The following RFX6 variants were observed in gnomAD, a reference collection of about 807,000 sequenced individuals.
RFX6 encodes the protein regulatory factor X6.
A neutral mutation model predicts 110.8 loss-of-function variants in RFX6; 50 were observed. The ratio of observed to expected loss-of-function variants is 0.45; its 90% CI spans 0.36 to 0.57. RFX6 has a LOEUF of 0.57. Ranked by LOEUF, RFX6 falls within the 20% of genes least tolerant of loss-of-function variation. The pLI is 0.00. For missense variants in RFX6, 990 were observed against 1,127.0 expected, an observed-to-expected ratio of 0.88 and a Z score of 1.74; for synonymous variants, 383 against 411.2, an observed-to-expected ratio of 0.93 and a Z score of 0.83.
At chr6:116,913,274 C>A (rs1350788272) in intron 7 of RFX6, among the ~76,000 whole-genome samples, 1 of 152,126 alleles carries the variant, frequency 6.6e-6, no homozygotes, top group African/African-American at 2.4e-5. Context: ...GCTGGCCAGG[C>A]TTGTCTCGAA....
intron 4 of RFX6, among the ~76,000 whole-genome samples, chr6:116,891,924 T>A (rs1403671019): frequency 1.3e-5 from 2 of 152,160 alleles, no homozygotes; most frequent in African/African-American, 2.4e-5. Context: ...GTTCTTTTTT[T>A]AATCTACCAT....
intron 16 of RFX6, among the ~76,000 whole-genome samples, chr6:116,926,610 C>A (rs1231975354): frequency 6.6e-6 from 1 of 152,208 alleles, no homozygotes; most frequent in East Asian, 1.9e-4. Flanking sequence ...GAGGTGTTTG[C>A]ATGACATTTT....
intron 2 of RFX6, among the ~76,000 whole-genome samples, chr6:116,878,412 G>A (rs563287487): frequency 1.0e-3 from 158 of 152,234 alleles, no homozygotes; most frequent in African/African-American, 3.6e-3. Context: ...GATGAACTGT[G>A]TTTGAGGTAG....
chr6:116,877,792 T>G lies in RFX6; in HGVS notation c.224-4T>G. 1 of 1,603,428 alleles carries G rather than the reference T, an allele frequency of 6.2e-7. No homozygotes were observed. The highest frequency in any genetic ancestry group is 8.5e-7 in the Non-Finnish European group (1 of 1,173,420). On this transcript the variant is annotated splice_region_variant and splice_polypyrimidine_tract_variant and intron_variant, in intron 1 of 18. Coordinates refer to ENST00000332958, the MANE Select transcript of RFX6 (RefSeq NM_173560.4). Reference sequence around the variant, plus strand: ...TCTTTATCATCCCTTCAACTGGCAATCAGAAATGCACTTAAACAATGGTAA... The same window carrying G: ...TCTTTATCATCCCTTCAACTGGCAAGCAGAAATGCACTTAAACAATGGTAA...
chr6:116,893,998 A>G lies in RFX6; in HGVS notation c.578A>G (p.Tyr193Cys). 23 of 1,594,000 alleles carry G rather than the reference A, an allele frequency of 1.4e-5. No homozygotes were observed. Among genetic ancestry groups the G allele is most frequent in the Non-Finnish European group, 2.0e-5 (23 of 1,161,762 alleles). The change falls in exon 5 of 19, where the codon TAT becomes TGT. Residue 193 changes from tyrosine (Y) to cysteine (C), a missense_variant. Tyr to Cys is a radical substitution (Grantham distance 194). Around this residue, in one of 5 missense-constraint regions of RFX6, gnomAD observed 243 missense variants for 353.1 expected, o/e 0.69. Coordinates refer to ENST00000332958, the MANE Select transcript of RFX6 (RefSeq NM_173560.4). Reference protein sequence around the residue: ...GTRGHSKYHYYGIGIKESSAY... With the variant: ...GTRGHSKYHYCGIGIKESSAY... ...TGTCTTTGCTCTAGGTATCATTACT[A>G]TGGGATTGGCATCAAAGAGAGCAGT...
chr6:116,922,027 T>A lies in RFX6; in HGVS notation c.1328-15T>A. 1 of 1,144,952 alleles carries A rather than the reference T, an allele frequency of 8.7e-7. No individual in the cohort carries two copies. 70.9% of individuals were successfully genotyped at this position (1,144,952 alleles called of 1,614,324 possible). On this transcript the variant is annotated splice_polypyrimidine_tract_variant and intron_variant, in intron 12 of 18. Coordinates refer to ENST00000332958, the MANE Select transcript of RFX6 (RefSeq NM_173560.4). ...CTGTTTTCTTTTCTTTCTTTTTTTT[T>A]TTTTTCCTGGGTAGATGACTCTATC...
intron 11 of RFX6, among the ~76,000 whole-genome samples, chr6:116,919,565 G>C (rs200892157): frequency 1.6e-5 from 1 of 64,070 alleles, no homozygotes; most frequent in Non-Finnish European, 4.5e-5. Flanking sequence ...AAGATGATAA[G>C]AAGCTGGATG....
rs2114705955 is a variant in RFX6 at position 116,928,831 on chromosome 6, T to A, written c.2471T>A (p.Val824Asp). Reference protein sequence around the residue: ...LGSMVNQHVSVISSIRSLPPY... With the variant: ...LGSMVNQHVSDISSIRSLPPY... ...TCAATGGTGAATCAGCACGTTTCTG[T>A]CATCAGCAGCATTCGTTCACTGCCC... is the stretch of plus-strand genomic sequence containing the variant. Residue 824 changes from valine to aspartate, a missense_variant, in exon 18 of 19, where the codon GTC becomes GAC. By Grantham distance (152) the Val-to-Asp change is radical. Coordinates refer to ENST00000332958, the MANE Select transcript of RFX6 (RefSeq NM_173560.4). The A allele has an allele frequency of 5.0e-6, 8 of 1,614,052 alleles. No individual in the cohort carries two copies. Among genetic ancestry groups the A allele is most frequent in the Non-Finnish European group, 6.8e-6 (8 of 1,179,920 alleles).
chr6:116,877,552 A>G, intron 1 of RFX6, 54 bp downstream of exon 1: 1 of 1,321,816 alleles, frequency 7.6e-7, no homozygotes, highest in Non-Finnish European at 1.0e-6. Flanking sequence ...GTATTCTAAG[A>G]AGGGCACCCA....
intron 6 of RFX6, among the ~76,000 whole-genome samples, chr6:116,909,735 C>CTTTTTTTTTTTTTTTTTT (rs59264999): frequency 1.5e-5 from 1 of 67,362 alleles, no homozygotes; most frequent in African/African-American, 6.1e-5. Flanking sequence ...TCATTTAAAT[C>CTTTTTTTTTTTTTTTTTT]TTTTTTTTTT....
At chr6:116,926,783 C>A (rs1162840746) in intron 16 of RFX6, among the ~76,000 whole-genome samples, 1 of 152,134 alleles carries the variant, frequency 6.6e-6, no homozygotes, top group African/African-American at 2.4e-5. Flanking sequence ...AACCATGAAG[C>A]CATCGCAGAC....
chr6:116,882,501 G>C (rs1007195527), intron 4 of RFX6, 73 bp downstream of exon 4: 3 of 1,061,672 alleles, frequency 2.8e-6, no homozygotes, highest in Admixed American at 1.7e-5. Context: ...AATAAGTATT[G>C]TCTTTGTCAG....
chr6:116,895,423 A>G (rs1255868130), intron 6 of RFX6, among the ~76,000 whole-genome samples: 1 of 152,132 alleles, frequency 6.6e-6, no homozygotes, highest in Non-Finnish European at 1.5e-5. Flanking sequence ...CCTAGGAGAG[A>G]TACATTTTTA....
intron 4 of RFX6, among the ~76,000 whole-genome samples, chr6:116,882,727 G>A (rs566018154): frequency 7.2e-5 from 11 of 152,082 alleles, no homozygotes; most frequent in Admixed American, 1.3e-4. Context: ...GGAATGCAAC[G>A]CTCCCAAAGA....
At chr6:116,895,589 A>G (rs561525852) in intron 6 of RFX6, among the ~76,000 whole-genome samples, 4 of 152,066 alleles carry the variant, frequency 2.6e-5, no homozygotes, top group Admixed American at 1.3e-4. Flanking sequence ...AACATTTATT[A>G]GTTATCAAGG....
intron 6 of RFX6, among the ~76,000 whole-genome samples, chr6:116,905,033 A>G (rs1775165753): frequency 6.6e-6 from 1 of 152,230 alleles, no homozygotes; most frequent in Non-Finnish European, 1.5e-5. Flanking sequence ...TTGGGTATAT[A>G]CCCAGAAGCG....
chr6:116,910,144 C>T (rs1211005911), intron 6 of RFX6, among the ~76,000 whole-genome samples: 1 of 152,046 alleles, frequency 6.6e-6, no homozygotes, highest in East Asian at 1.9e-4. Context: ...TTCATTATTT[C>T]CCCAAACTTT....
chr6:116,885,353 T>C (rs1774678384), intron 4 of RFX6, among the ~76,000 whole-genome samples: 1 of 152,194 alleles, frequency 6.6e-6, no homozygotes, highest in Non-Finnish European at 1.5e-5. Context: ...CGCACTATCC[T>C]TAATAATAAA....
At position 116,879,231 on chromosome 6, in the gene RFX6, T is replaced by C. The variant is rs1354508829; in HGVS notation, c.380+1279T>C. 2.6e-5 allele frequency among the ~76,000 whole-genome samples: 4 copies of C among 151,942 alleles called. No homozygotes were observed. The South Asian group carries it at 8.3e-4, about 31-fold the overall frequency. ...AAACTTGTACCCCAAATGAACATCA[T>C]ACTTATGTCTAGGATGATTTAATAT... On this transcript the variant is annotated intron_variant, in intron 2 of 18. Coordinates refer to ENST00000332958, the MANE Select transcript of RFX6 (RefSeq NM_173560.4).
Sources: gnomAD v4.1 joint callset for allele counts (sites outside exome capture counted in the v4.1 genomes callset) on GRCh38, gnomAD v4.1.1 for gene constraint, gnomAD v4.1.1 regional missense constraint, MANE v1.5 for transcripts, NCBI Gene and HGNC (gene_info 2026-07-23, HGNC 2026-07-21) for gene names.